AGBL1: variants seen among roughly 807,000 people sequenced by gnomAD.
AGBL1 encodes cytosolic carboxypeptidase 4.
AGBL1 carries 130 observed loss-of-function variants against 118.9 expected under a neutral mutation model. That is an observed-to-expected ratio of 1.09 (90% confidence interval 0.95 to 1.26). AGBL1 has a LOEUF of 1.26. Ranked by LOEUF, AGBL1 falls within the 50% of genes most tolerant of loss-of-function variation. The probability of loss-of-function intolerance (pLI) is 0.00; values close to 1 mark genes in which losing one functional copy is unlikely to be tolerated. For missense variants in AGBL1, 1,584 were observed against 1,298.1 expected, an observed-to-expected ratio of 1.22 and a Z score of -3.38; for synonymous variants, 555 against 478.9, an observed-to-expected ratio of 1.16 and a Z score of -2.08.
At position 87,007,238 on chromosome 15, in the gene AGBL1, G is replaced by GTA. The variant is rs762392110; in HGVS notation, c.3323+19161_3323+19162dup. ...TCAAGACCAGGTTCTTACGCTAGCTGTATATATATATAACCATAATGCAGC... is the reference window on the plus strand; with the variant it reads ...TCAAGACCAGGTTCTTACGCTAGCTGTATATATATATATAACCATAATGCAGC... On this transcript the variant is annotated intron_variant, in intron 24 of 24. Transcript: ENST00000441037. Among the ~76,000 whole-genome samples the GTA allele has an allele frequency of 1.8e-3, 273 of 151,908 alleles. 2 individuals are homozygous for GTA. Among genetic ancestry groups the GTA allele is most frequent in the Admixed American group, 2.7e-3 (41 of 15,248 alleles).
chr15:86,714,819 G>A (rs1246938672), intron 22 of AGBL1, among the ~76,000 whole-genome samples: 1 of 152,136 alleles, frequency 6.6e-6, no homozygotes, highest in African/African-American at 2.4e-5. Context: ...CAAGCAGGGA[G>A]CATCAAGGGA....
chr15:86,285,943 C>A lies in AGBL1; in HGVS notation c.2220+6160C>A, dbSNP rs566348963. ...CTGCTTGGTGGCTTCTATAGACCAA[C>A]CTTCTGCCTAACCTGCTTCCGCATA... On this transcript the variant is annotated intron_variant, in intron 16 of 22. Transcript: ENST00000614907. Among the ~76,000 whole-genome samples the A allele has an allele frequency of 3.3e-5, 5 of 152,150 alleles. No individual in the cohort carries two copies. In the South Asian group the frequency reaches 1.0e-3, roughly 32 times the overall value.
intron 22 of AGBL1, among the ~76,000 whole-genome samples, chr15:86,830,719 G>T (rs532952929): frequency 6.6e-6 from 1 of 152,126 alleles, no homozygotes; most frequent in African/African-American, 2.4e-5. Flanking sequence ...TATTCTGAAC[G>T]TCTTTTATCC....
intron 18 of AGBL1, among the ~76,000 whole-genome samples, chr15:86,465,160 A>G (rs192017252): frequency 1.3e-3 from 200 of 152,254 alleles, no homozygotes; most frequent in African/African-American, 4.7e-3. Context: ...AGTTCCCCAA[A>G]TTAATACTTT....
At chr15:86,691,121 C>T (rs1449827791) in intron 22 of AGBL1, among the ~76,000 whole-genome samples, 5 of 151,906 alleles carry the variant, frequency 3.3e-5, no homozygotes, top group Admixed American at 6.6e-5. Flanking sequence ...ATATTTGTTA[C>T]GTGATATGGA....
At chr15:86,478,340 C>G (rs2082593691) in intron 18 of AGBL1, among the ~76,000 whole-genome samples, 1 of 152,208 alleles carries the variant, frequency 6.6e-6, no homozygotes, top group Non-Finnish European at 1.5e-5. Context: ...ACCCCATTGT[C>G]TCAGCCCGAA....
chr15:86,491,716 G>A (rs1437628084), intron 18 of AGBL1, among the ~76,000 whole-genome samples: 2 of 151,982 alleles, frequency 1.3e-5, no homozygotes, highest in Non-Finnish European at 2.9e-5. Context: ...TTAAACTGAT[G>A]ATTAAACAAG....
At chr15:86,169,666 T>C (rs1292861005) in intron 5 of AGBL1, among the ~76,000 whole-genome samples, 1 of 152,244 alleles carries the variant, frequency 6.6e-6, no homozygotes, top group East Asian at 1.9e-4. Context: ...AATAAGTTGT[T>C]AGACTGTATT....
At chr15:86,156,412 A>ACATTAGAC (rs1440132930) in intron 4 of AGBL1, among the ~76,000 whole-genome samples, 20 of 152,164 alleles carry the variant, frequency 1.3e-4, no homozygotes, top group African/African-American at 4.8e-4. Flanking sequence ...ACATAAGTCC[A>ACATTAGAC]CATTAGACTA....
At chr15:86,430,484 C>T (rs914480310) in intron 18 of AGBL1, among the ~76,000 whole-genome samples, 16 of 142,988 alleles carry the variant, frequency 1.1e-4, no homozygotes, top group African/African-American at 3.9e-4. Context: ...GAAAAAGCGC[C>T]GTCGCAAAAA....
At chr15:86,203,985 C>G (rs2077948840) in intron 5 of AGBL1, among the ~76,000 whole-genome samples, 1 of 152,150 alleles carries the variant, frequency 6.6e-6, no homozygotes, top group African/African-American at 2.4e-5. Context: ...ATGTTGCACT[C>G]TTGGCAAGAT....
At chr15:86,186,261 G>A (rs765606516) in intron 5 of AGBL1, among the ~76,000 whole-genome samples, 1 of 152,316 alleles carries the variant, frequency 6.6e-6, no homozygotes, top group Admixed American at 6.5e-5. Flanking sequence ...AGGATAAATA[G>A]CTAATGTATG....
chr15:86,365,053 A>G (rs2080867564), intron 17 of AGBL1, among the ~76,000 whole-genome samples: 6 of 148,042 alleles, frequency 4.1e-5, no homozygotes, highest in East Asian at 3.9e-4. Context: ...ACACACATAT[A>G]TATACACATA....
At chr15:86,824,993 G>A (rs2078987508) in intron 22 of AGBL1, among the ~76,000 whole-genome samples, 1 of 152,086 alleles carries the variant, frequency 6.6e-6, no homozygotes, top group African/African-American at 2.4e-5. Context: ...GGAGGTGGAT[G>A]TTGCAATGAG....
At chr15:86,225,614 G>A (rs2078349577) in intron 6 of AGBL1, among the ~76,000 whole-genome samples, 1 of 152,126 alleles carries the variant, frequency 6.6e-6, no homozygotes, top group Non-Finnish European at 1.5e-5. Flanking sequence ...AATTTCATGT[G>A]TGCAATATAA....
chr15:86,558,069 C>T (rs2083760034), intron 21 of AGBL1, among the ~76,000 whole-genome samples: 1 of 152,086 alleles, frequency 6.6e-6, no homozygotes, highest in Non-Finnish European at 1.5e-5. Flanking sequence ...AGACAATAAT[C>T]CACCCAATGG....
chr15:86,688,797 A>C (rs2086109128), intron 22 of AGBL1, among the ~76,000 whole-genome samples: 1 of 152,152 alleles, frequency 6.6e-6, no homozygotes, highest in Admixed American at 6.5e-5. Context: ...TATATGCATA[A>C]AACTATCACC....
chr15:86,324,739 G>A (rs1567199358), intron 17 of AGBL1, among the ~76,000 whole-genome samples: 1 of 152,216 alleles, frequency 6.6e-6, no homozygotes, highest in Non-Finnish European at 1.5e-5. Context: ...TAGAGTCGTA[G>A]TGGTAAATCA....
chr15:86,847,957 A>C (rs78204549), intron 22 of AGBL1, among the ~76,000 whole-genome samples: 1,959 of 152,288 alleles, frequency 0.013, 19 homozygotes, highest in African/African-American at 0.024. Flanking sequence ...TCAGGCTTGC[A>C]GAGAGACTGG....
Sources: gnomAD v4.1 joint callset for allele counts (sites outside exome capture counted in the v4.1 genomes callset) on GRCh38, gnomAD v4.1.1 for gene constraint, MANE v1.5 for transcripts, NCBI Gene and HGNC (gene_info 2026-07-23, HGNC 2026-07-21) for gene names.